Variants in MINK1 observed in about 807,000 individuals in gnomAD.
MINK1 encodes misshapen like kinase 1, also known as misshapen-like kinase 1.
Under a neutral mutation model 178.4 loss-of-function variants are expected in MINK1, and 46 were observed. The ratio of observed to expected loss-of-function variants is 0.26; its 90% CI spans 0.20 to 0.33. The LOEUF (loss-of-function observed/expected upper bound fraction) is 0.33. Ranked by LOEUF, MINK1 falls within the 10% of genes least tolerant of loss-of-function variation. The probability of loss-of-function intolerance (pLI) is 1.00; values close to 1 mark genes in which losing one functional copy is unlikely to be tolerated. For missense variants in MINK1, 1,366 were observed against 1,814.9 expected, an observed-to-expected ratio of 0.75 and a Z score of 4.49; for synonymous variants, 797 against 709.7, an observed-to-expected ratio of 1.12 and a Z score of -1.96.
intron 1 of MINK1, among the ~76,000 whole-genome samples, chr17:4,865,836 A>C (rs532931383): frequency 2.6e-5 from 4 of 152,154 alleles, no homozygotes; most frequent in Admixed American, 2.0e-4. Context: ...TCGAGGCTAC[A>C]GTGAGCTATG....
intron 1 of MINK1, among the ~76,000 whole-genome samples, chr17:4,842,048 C>G (rs953659207): frequency 5.9e-5 from 9 of 151,828 alleles, no homozygotes; most frequent in Non-Finnish European, 1.0e-4. Flanking sequence ...GGTGAAACCC[C>G]GTCTCTACTA....
intron 1 of MINK1, among the ~76,000 whole-genome samples, chr17:4,837,824 G>C (rs1176320188): frequency 6.6e-6 from 1 of 152,200 alleles, no homozygotes; most frequent in Non-Finnish European, 1.5e-5. Context: ...TCATAGCATG[G>C]AGCACATTCA....
intron 1 of MINK1, among the ~76,000 whole-genome samples, chr17:4,858,479 A>AT (rs35540481): frequency 0.017 from 2,354 of 139,318 alleles, 51 homozygotes; most frequent in African/African-American, 0.05. Flanking sequence ...TTTAAATTTA[A>AT]TTTTTTTTTT....
In MINK1 at chr17:4,896,409, G is replaced by A. The variant is rs372076930; in HGVS notation, c.3616-20G>A. 6.2e-7 allele frequency: 1 copy of A among 1,612,964 alleles called. No homozygotes were observed. Among genetic ancestry groups the A allele is most frequent in the Non-Finnish European group, 8.5e-7 (1 of 1,179,328 alleles). On this transcript the variant is annotated intron_variant, in intron 29 of 31. Transcript: ENST00000355280. The surrounding 1 kb of genome is among the most constrained non-coding windows in gnomAD (Gnocchi z 4.6). ...CTGGGCACCAGACACGGAGACTCTAGTCCCCCTCCTTCTCCCCAGATCCAG... is the reference window on the plus strand; with the variant it reads ...CTGGGCACCAGACACGGAGACTCTAATCCCCCTCCTTCTCCCCAGATCCAG...
At chr17:4,897,075 G>C (rs1364212848) in intron 31 of MINK1, 129 bp from the exon 32 acceptor site, 2 of 898,842 alleles carry the variant, frequency 2.2e-6, no homozygotes, top group South Asian at 1.6e-5. Flanking sequence ...GGGGCACTGT[G>C]AGTCTCCTCC....
rs767984504 is a variant in MINK1 at position 4,897,222 on chromosome 17, C to T, written c.3934C>T (p.Arg1312Cys). 1.5e-5 allele frequency: 25 copies of T among 1,613,500 alleles called. No individual in the cohort carries two copies. Among genetic ancestry groups the T allele is most frequent in the East Asian group, 2.2e-5 (1 of 44,872 alleles). Residue 1312 changes from arginine to cysteine, a missense_variant, in exon 32 of 32, where the codon CGC becomes TGC. Around this residue, in one of 14 missense-constraint regions of MINK1, gnomAD observed 201 missense variants for 240.7 expected, o/e 0.84. Coordinates refer to ENST00000355280, the MANE Select transcript of MINK1 (RefSeq NM_153827.5). ...RNDKVFFASV[R>C]SGGSSQVYFM... is the part of the protein sequence containing the mutation. ...CACCCAGGTGTTTTTTGCCTCAGTC[C>T]GCTCTGGGGGCAGCAGCCAAGTTTA...
rs1969019970 is a variant in MINK1 at position 4,893,002 on chromosome 17, C to G, written c.2335C>G (p.Pro779Ala). 1.9e-6 allele frequency: 3 copies of G among 1,578,244 alleles called. No individual in the cohort carries two copies. The highest frequency in any genetic ancestry group is 2.6e-6 in the Non-Finnish European group (3 of 1,163,532). Residue 779 changes from proline (P) to alanine (A), a missense_variant, in exon 20 of 32, where the codon CCT (proline) becomes GCT (alanine). Pro to Ala is a conservative substitution (Grantham distance 27). Transcript: ENST00000355280. ...VGVSSKPDSS[P>A]VLSPGNKAKP... Reference sequence around the variant, plus strand: ...AGTCTCCTCCAAACCGGACAGCTCCCCTGTGCTCTCCCCTGGGAATAAAGC... The same window carrying G: ...AGTCTCCTCCAAACCGGACAGCTCCGCTGTGCTCTCCCCTGGGAATAAAGC...
chr17:4,847,588 G>A (rs9890964), intron 1 of MINK1, among the ~76,000 whole-genome samples: 2,807 of 152,272 alleles, frequency 0.018, 42 homozygotes, highest in Middle Eastern at 0.041. Flanking sequence ...TGTCATAGAG[G>A]TCAAAATATG....
rs1374778854 is a variant in MINK1, at chr17:4,896,261, G to A, written c.3534G>A (p.Lys1178=). 6.2e-7 allele frequency: 1 copy of A among 1,607,572 alleles called. No individual in the cohort carries two copies. The highest frequency in any genetic ancestry group is 8.5e-7 in the Non-Finnish European group (1 of 1,176,580). ...DLTVEEGQRL[K]VIYGSSAGFH... The stretch of plus-strand genomic sequence containing the variant: ...CAGTAGAGGAGGGGCAGCGGCTCAA[G>A]GTCATCTATGGCTCCAGTGCTGGCT... The change falls in exon 29 of 32, where the codon AAG becomes AAA. Residue 1178 remains lysine (K), a synonymous_variant. Coordinates refer to ENST00000355280, the MANE Select transcript of MINK1 (RefSeq NM_153827.5). The surrounding 1 kb of genome is among the most constrained non-coding windows in gnomAD (Gnocchi z 4.6).
At chr17:4,891,297 C>T (rs544299532) in intron 15 of MINK1, among the ~76,000 whole-genome samples, 159 bp from the exon 16 acceptor site, 1 of 152,312 alleles carries the variant, frequency 6.6e-6, no homozygotes, top group South Asian at 2.1e-4. Context: ...TTCTTGCTGC[C>T]TGTGTCTGTC....
intron 1 of MINK1, chr17:4,847,237 C>T (rs1385838485): frequency 8.8e-6 from 4 of 455,870 alleles, no homozygotes; most frequent in African/African-American, 6.0e-5. Context: ...CCAGTTCATT[C>T]ATTCATTCAT....
intron 1 of MINK1, among the ~76,000 whole-genome samples, chr17:4,845,690 C>T (rs988173478): frequency 2.6e-5 from 4 of 151,366 alleles, no homozygotes; most frequent in Middle Eastern, 3.4e-3. Context: ...GGCTGGAGTG[C>T]GGTGGCACAA....
At chr17:4,862,792 G>A (rs967591278) in intron 1 of MINK1, among the ~76,000 whole-genome samples, 5 of 152,120 alleles carry the variant, frequency 3.3e-5, no homozygotes, top group African/African-American at 9.7e-5. Context: ...AGCACTTTGT[G>A]TGTCCGAGGC....
At chr17:4,865,521 C>T (rs1484985728) in intron 1 of MINK1, among the ~76,000 whole-genome samples, 1 of 151,548 alleles carries the variant, frequency 6.6e-6, no homozygotes, top group Non-Finnish European at 1.5e-5. Flanking sequence ...CCCTTTTTCT[C>T]ATAAGGACAA....
rs2151053612 is a variant in MINK1 at position 4,892,490 on chromosome 17, C to T, written c.2176C>T (p.Pro726Ser). 6.4e-7 allele frequency: 1 copy of T among 1,561,690 alleles called. No homozygotes were observed. The highest frequency in any genetic ancestry group is 2.4e-5 in the East Asian group (1 of 41,576). ...PKPPGPPAQP[P>S]GPPNASSNPD... The stretch of plus-strand genomic sequence containing the variant: ...GCCTCCAGGGCCCCCTGCTCAGCCC[C>T]CTGGCCCGCCCAACGCCTCTAGGTA... The change falls in exon 18 of 32, where the codon CCT (proline) becomes TCT (serine). Residue 726 changes from proline (P) to serine (S), a missense_variant. Around this residue, in one of 14 missense-constraint regions of MINK1, gnomAD observed 709 missense variants for 692.3 expected, o/e 1.02. Coordinates refer to ENST00000355280, the MANE Select transcript of MINK1 (RefSeq NM_153827.5).
intron 1 of MINK1, among the ~76,000 whole-genome samples, chr17:4,869,163 A>C (rs1367099693): frequency 1.3e-5 from 2 of 151,706 alleles, no homozygotes; most frequent in Non-Finnish European, 2.9e-5. Flanking sequence ...TGACCTCATG[A>C]TCTGCCTGCC....
chr17:4,893,979 C>T lies in MINK1; in HGVS notation c.2565-9C>T, dbSNP rs1464302151. 2 of 1,561,246 alleles carry T rather than the reference C, an allele frequency of 1.3e-6. No individual in the cohort carries two copies. The highest frequency in any genetic ancestry group is 1.7e-6 in the Non-Finnish European group (2 of 1,155,134). Reference sequence around the variant, plus strand: ...GGACCTGGAGGGGCCCCACCTTCCTCTCTCACAGCAGCGATGGGGATACAG... The same window carrying T: ...GGACCTGGAGGGGCCCCACCTTCCTTTCTCACAGCAGCGATGGGGATACAG... On this transcript the variant is annotated splice_polypyrimidine_tract_variant and intron_variant, in intron 21 of 31. Coordinates refer to ENST00000355280, the MANE Select transcript of MINK1 (RefSeq NM_153827.5).
intron 1 of MINK1, chr17:4,859,108 G>C (rs1248830701): frequency 1.0e-6 from 1 of 984,898 alleles, no homozygotes; most frequent in African/African-American, 1.7e-5. Context: ...GCATATCTGA[G>C]TGAATAATCA....
intron 4 of MINK1, among the ~76,000 whole-genome samples, chr17:4,884,028 C>G (rs901849684): frequency 1.5e-5 from 2 of 131,918 alleles, no homozygotes; most frequent in Non-Finnish European, 3.2e-5. Flanking sequence ...TCCTTCTCCT[C>G]TTTTTTTTTT....
Sources: allele counts gnomAD v4.1 joint callset (sites outside exome capture counted in the v4.1 genomes callset), GRCh38; gene constraint gnomAD v4.1.1; regional missense constraint gnomAD v4.1.1; non-coding constraint Gnocchi (gnomAD v3.1); transcripts MANE v1.5; gene names NCBI Gene and HGNC (gene_info 2026-07-23, HGNC 2026-07-21).